The following DPH5 variants were observed in gnomAD, a reference collection of about 807,000 sequenced individuals.
The protein encoded by DPH5 is diphthine methyl ester synthase.
DPH5 carries 31 observed loss-of-function variants against 31.6 expected under a neutral mutation model. The observed-to-expected ratio is 0.98, with a 90% CI of 0.74 to 1.32. The LOEUF (loss-of-function observed/expected upper bound fraction) is 1.32. Ranked by LOEUF, DPH5 falls within the 40% of genes most tolerant of loss-of-function variation. The pLI is 0.00. For synonymous variants in DPH5, 120 were observed against 115.0 expected (o/e 1.04, Z -0.28); for missense variants, 309 against 335.7 (o/e 0.92, Z 0.62).
chr1:101,006,666 G>A lies in DPH5; in HGVS notation c.370-5079C>T, dbSNP rs546593645. ...CTGGACAACAATGAAACCAATTAATGCTTCTGAAAAGTAACGATAAGAATC... is the reference window on the plus strand; with the variant it reads ...CTGGACAACAATGAAACCAATTAATACTTCTGAAAAGTAACGATAAGAATC... On this transcript the variant is annotated intron_variant, in intron 4 of 7. Transcript: ENST00000370109. Among the ~76,000 whole-genome samples the A allele has an allele frequency of 4.6e-4, 70 of 152,068 alleles. 1 individual carries two copies. Among genetic ancestry groups the A allele is most frequent in the African/African-American group, 1.6e-3 (68 of 41,488 alleles).
At chr1:100,992,523 C>T in intron 7 of DPH5, 114 bp downstream of exon 7, 1 of 675,998 alleles carries the variant, frequency 1.5e-6, no homozygotes, top group Non-Finnish European at 2.4e-6. Flanking sequence ...AGAAATAGTA[C>T]AATACAAAAA....
intron 3 of DPH5, among the ~76,000 whole-genome samples, chr1:101,015,398 A>C (rs975054198): frequency 1.3e-4 from 20 of 152,214 alleles, no homozygotes; most frequent in Non-Finnish European, 7.3e-5. Context: ...AAAGAAATCT[A>C]TGTTTTTGAG....
At chr1:101,000,147 GA>G (rs917638379) in intron 5 of DPH5, among the ~76,000 whole-genome samples, 18 of 145,126 alleles carry the variant, frequency 1.2e-4, no homozygotes, top group African/African-American at 2.3e-4. Flanking sequence ...ACTCTGTCTT[GA>G]AAAAAAAAAA....
At chr1:100,993,559 A>AATATATATATATATATATATAAATATAT (rs1658006219) in intron 6 of DPH5, among the ~76,000 whole-genome samples, 1 of 56,536 alleles carries the variant, frequency 1.8e-5, no homozygotes, top group African/African-American at 6.2e-5. Flanking sequence ...CGAAAATATA[A>AATATATATATATATATATATAAATATAT]ATATATATAT....
intron 5 of DPH5, among the ~76,000 whole-genome samples, chr1:100,999,731 C>T (rs1297831434): frequency 1.3e-5 from 2 of 151,584 alleles, no homozygotes; most frequent in African/African-American, 2.4e-5. Flanking sequence ...CCCAGTTACT[C>T]GGAAGTCTGA....
At chr1:101,008,340 C>A (rs562738587) in intron 4 of DPH5, among the ~76,000 whole-genome samples, 103 of 152,320 alleles carry the variant, frequency 6.8e-4, no homozygotes, top group African/African-American at 2.4e-3. Flanking sequence ...CCTAAAGCAT[C>A]TTCATACATC....
chr1:101,021,238 GA>G (rs200317961), intron 3 of DPH5, among the ~76,000 whole-genome samples: 2 of 151,718 alleles, frequency 1.3e-5, no homozygotes, highest in Non-Finnish European at 2.9e-5. Context: ...ATTACAAAAG[GA>G]AAAAAAACCT....
chr1:100,998,806 G>A (rs1658606060), intron 5 of DPH5, among the ~76,000 whole-genome samples: 1 of 152,120 alleles, frequency 6.6e-6, no homozygotes. Flanking sequence ...AGTAGTGTAA[G>A]GTTATAACAC....
At chr1:101,012,858 A>G (rs1166797313) in intron 4 of DPH5, among the ~76,000 whole-genome samples, 1 of 152,228 alleles carries the variant, frequency 6.6e-6, no homozygotes, top group Non-Finnish European at 1.5e-5. Flanking sequence ...AGTCATACAG[A>G]AAATATAGTC....
At chr1:101,007,501 C>T (rs1659315743) in intron 4 of DPH5, among the ~76,000 whole-genome samples, 1 of 152,004 alleles carries the variant, frequency 6.6e-6, no homozygotes, top group South Asian at 2.1e-4. Context: ...ATCACGAGGT[C>T]AGGAGATTGA....
intron 1 of DPH5, 93 bp from the exon 2 acceptor site, chr1:101,025,559 G>A: frequency 7.8e-7 from 1 of 1,275,040 alleles, no homozygotes; most frequent in Non-Finnish European, 1.1e-6. Flanking sequence ...TAGCACAAGA[G>A]AAGAGGCAAG....
chr1:101,000,598 AAGT>A (rs1645810797), intron 5 of DPH5, among the ~76,000 whole-genome samples: 1 of 152,236 alleles, frequency 6.6e-6, no homozygotes, highest in African/African-American at 2.4e-5. Context: ...TCTAACTAGT[AAGT>A]AGTAGCACTG....
chr1:101,014,931 G>T (rs1383156987), intron 3 of DPH5, among the ~76,000 whole-genome samples: 2 of 152,120 alleles, frequency 1.3e-5, no homozygotes, highest in African/African-American at 4.8e-5. Context: ...TCCTAAGATT[G>T]AAGTAATTCC....
In DPH5 at chr1:101,013,754, G is replaced by A. The variant is rs746398589; in HGVS notation, c.325C>T (p.His109Tyr). The A allele has an allele frequency of 3.7e-6, 6 of 1,613,046 alleles. No homozygotes were observed. The highest frequency in any genetic ancestry group is 1.1e-5 in the South Asian group (1 of 90,954). ...ACAGCATTCATTATGGAGGCATTGT[G>A]AATAACTCTATAAGGAATTCCCAGC... The part of the protein sequence containing the change: ...TKLGIPYRVI[H>Y]NASIMNAVGC... The change falls in exon 4 of 8, where the codon CAC (histidine) becomes TAC (tyrosine). Residue 109 changes from histidine (H) to tyrosine (Y), a missense_variant. Transcript: ENST00000370109.
chr1:101,010,157 G>A (rs567740572), intron 4 of DPH5, among the ~76,000 whole-genome samples: 65 of 152,290 alleles, frequency 4.3e-4, no homozygotes, highest in Non-Finnish European at 7.6e-4. Context: ...GTTTATCACT[G>A]TATCCAAAGG....
chr1:101,021,040 G>A (rs1660402799), intron 3 of DPH5, among the ~76,000 whole-genome samples: 1 of 152,118 alleles, frequency 6.6e-6, no homozygotes, highest in South Asian at 2.1e-4. Context: ...ACCAGCTGTA[G>A]ACAAAGAACT....
At chr1:101,008,836 T>C (rs887181584) in intron 4 of DPH5, among the ~76,000 whole-genome samples, 8 of 152,232 alleles carry the variant, frequency 5.3e-5, no homozygotes, top group Non-Finnish European at 1.0e-4. Context: ...CAATAACTCT[T>C]CCAAGCATAT....
intron 2 of DPH5, 29 bp downstream of exon 2, chr1:101,025,280 C>T (rs1283541765): frequency 1.9e-6 from 3 of 1,611,186 alleles, no homozygotes; most frequent in Admixed American, 1.7e-5. Flanking sequence ...GCTTTCTTCC[C>T]AGGAGGCTGG....
intron 4 of DPH5, among the ~76,000 whole-genome samples, chr1:101,003,000 T>TC (rs1658983352): frequency 6.6e-6 from 1 of 152,178 alleles, no homozygotes; most frequent in Non-Finnish European, 1.5e-5. Flanking sequence ...GGAAGGTTCA[T>TC]CATGTTCTTC....
Sources: allele counts gnomAD v4.1 joint callset (sites outside exome capture counted in the v4.1 genomes callset), GRCh38; gene constraint gnomAD v4.1.1; transcripts MANE v1.5; gene names NCBI Gene and HGNC (gene_info 2026-07-23, HGNC 2026-07-21).